Variants in CNTN1 observed in about 807,000 individuals in gnomAD.
The protein encoded by CNTN1 is contactin-1.
In CNTN1, 38 loss-of-function variants were observed where a neutral mutation model predicts 126.4. The ratio of observed to expected loss-of-function variants is 0.30; its 90% CI spans 0.23 to 0.39. The LOEUF is 0.39. Ranked by LOEUF, CNTN1 falls within the 10% of genes least tolerant of loss-of-function variation. The pLI, the probability that CNTN1 is intolerant of heterozygous loss-of-function variation, is 1.00. For synonymous variants in CNTN1, 413 were observed against 422.6 expected (o/e 0.98, Z 0.28); for missense variants, 1,009 against 1,248.4 (o/e 0.81, Z 2.89).
intron 1 of CNTN1, among the ~76,000 whole-genome samples, chr12:40,702,995 A>G (rs1326569382): frequency 6.6e-6 from 1 of 151,996 alleles, no homozygotes; most frequent in African/African-American, 2.4e-5. Flanking sequence ...TATTTCCAGA[A>G]TGAAATTGCT....
At chr12:40,714,065 C>A (rs1307852293) in intron 1 of CNTN1, among the ~76,000 whole-genome samples, 1 of 152,046 alleles carries the variant, frequency 6.6e-6, no homozygotes, top group African/African-American at 2.4e-5. Context: ...TGATTACCAG[C>A]TGTTTTATTT....
chr12:40,808,527 A>G (rs929384732), intron 1 of CNTN1, among the ~76,000 whole-genome samples: 1 of 151,862 alleles, frequency 6.6e-6, no homozygotes, highest in Non-Finnish European at 1.5e-5. Flanking sequence ...TAATATTAAA[A>G]TGTATAGGAA....
chr12:40,878,389 C>T (rs1194396896), intron 1 of CNTN1, among the ~76,000 whole-genome samples: 3 of 150,220 alleles, frequency 2.0e-5, no homozygotes, highest in Admixed American at 6.6e-5. Context: ...TATACAAAAA[C>T]AAATCACATT....
At chr12:40,753,223 ATCT>A (rs1304783148) in intron 1 of CNTN1, among the ~76,000 whole-genome samples, 4 of 152,070 alleles carry the variant, frequency 2.6e-5, no homozygotes, top group Non-Finnish European at 5.9e-5. Flanking sequence ...CTTCCTTTTC[ATCT>A]TCTTCATCTT....
intron 16 of CNTN1, among the ~76,000 whole-genome samples, chr12:40,991,479 C>G (rs1015906609): frequency 6.6e-6 from 1 of 151,916 alleles, no homozygotes; most frequent in Non-Finnish European, 1.5e-5. Flanking sequence ...TACCATTTAA[C>G]CCAATACAGC....
chr12:40,916,185 T>G (rs938427657), intron 3 of CNTN1, among the ~76,000 whole-genome samples: 2 of 152,124 alleles, frequency 1.3e-5, no homozygotes, highest in African/African-American at 4.8e-5. Context: ...TTATCAAGGA[T>G]TATAGTGGGA....
In CNTN1 at chr12:40,975,181, TATA is replaced by T. The variant is rs1947638387; in HGVS notation, c.1805-5727_1805-5725del. On this transcript the variant is annotated intron_variant, in intron 15 of 23. Coordinates refer to ENST00000551295, the MANE Select transcript of CNTN1 (RefSeq NM_001843.4). ...CGGTGTCCTTTTGTAAAATGGATTA[TATA>T]TATATATATATATATATATATATAT... 1.0e-3 allele frequency among the ~76,000 whole-genome samples: 132 copies of T among 126,700 alleles called. 1 individual carries two copies. The highest frequency in any genetic ancestry group is 2.4e-3 in the African/African-American group (83 of 35,114). The allele number at this position is 126,700 out of a possible 152,430, so 83.1% of individuals were successfully genotyped here.
intron 11 of CNTN1, among the ~76,000 whole-genome samples, chr12:40,939,085 G>T (rs1434488045): frequency 6.6e-6 from 1 of 152,116 alleles, no homozygotes; most frequent in Non-Finnish European, 1.5e-5. Flanking sequence ...TCTAATTAAA[G>T]TTTCTAATAA....
At chr12:40,705,257 T>C (rs902791613) in intron 1 of CNTN1, among the ~76,000 whole-genome samples, 21 of 152,206 alleles carry the variant, frequency 1.4e-4, no homozygotes, top group Admixed American at 3.9e-4. Flanking sequence ...CAGGATTTTG[T>C]TTCATCCAGA....
intron 15 of CNTN1, among the ~76,000 whole-genome samples, chr12:40,970,590 G>A (rs529699021): frequency 6.6e-6 from 1 of 152,188 alleles, no homozygotes; most frequent in South Asian, 2.1e-4. Flanking sequence ...AATGAGGTAG[G>A]TGATCACTCT....
At chr12:40,919,515 T>C (rs1424443148) in intron 4 of CNTN1, among the ~76,000 whole-genome samples, 3 of 152,150 alleles carry the variant, frequency 2.0e-5, no homozygotes, top group Non-Finnish European at 4.4e-5. Flanking sequence ...AAGTGACTGA[T>C]GGAGAAATTG....
At chr12:40,795,079 A>G (rs1459563445) in intron 1 of CNTN1, among the ~76,000 whole-genome samples, 3 of 152,028 alleles carry the variant, frequency 2.0e-5, no homozygotes, top group African/African-American at 7.2e-5. Flanking sequence ...ATCTCATCCA[A>G]TCATGTGAAG....
chr12:40,959,049 A>G, intron 14 of CNTN1, 65 bp from the exon 15 acceptor site: 1 of 1,604,136 alleles, frequency 6.2e-7, no homozygotes, highest in South Asian at 1.1e-5. Context: ...TACCTCTTGG[A>G]TCTTAAATGC....
intron 1 of CNTN1, among the ~76,000 whole-genome samples, chr12:40,811,192 C>T (rs1941046854): frequency 6.6e-6 from 1 of 152,132 alleles, no homozygotes; most frequent in African/African-American, 2.4e-5. Context: ...GATATACACC[C>T]TGAAATCGGA....
chr12:40,809,021 C>A (rs757944438), intron 1 of CNTN1, among the ~76,000 whole-genome samples: 1 of 151,918 alleles, frequency 6.6e-6, no homozygotes, highest in African/African-American at 2.4e-5. Flanking sequence ...GATTTTTCAC[C>A]AAGAAGGCAG....
At chr12:40,707,088 A>T (rs12311030) in intron 1 of CNTN1, among the ~76,000 whole-genome samples, 1 of 128,596 alleles carries the variant, frequency 7.8e-6, no homozygotes, top group South Asian at 2.3e-4. Context: ...ACACACACAC[A>T]CCCCTGCTCA....
At chr12:40,888,163 A>T (rs1944114085) in intron 1 of CNTN1, among the ~76,000 whole-genome samples, 1 of 151,816 alleles carries the variant, frequency 6.6e-6, no homozygotes, top group Non-Finnish European at 1.5e-5. Context: ...TTAAAGTATA[A>T]TAATAATAAT....
chr12:40,812,133 G>C (rs956612390), intron 1 of CNTN1, among the ~76,000 whole-genome samples: 2 of 151,210 alleles, frequency 1.3e-5, no homozygotes, highest in Admixed American at 1.3e-4. Context: ...GTTATCTTTT[G>C]ATTTCTTTGA....
At chr12:40,922,935 C>T (rs1466385056) in intron 5 of CNTN1, among the ~76,000 whole-genome samples, 1 of 139,508 alleles carries the variant, frequency 7.2e-6, no homozygotes, top group Admixed American at 7.6e-5. Context: ...TGTGCCACTG[C>T]ATTCCAGCCT....
Sources: gnomAD v4.1 joint callset for allele counts (sites outside exome capture counted in the v4.1 genomes callset) on GRCh38, gnomAD v4.1.1 for gene constraint, MANE v1.5 for transcripts, NCBI Gene and HGNC (gene_info 2026-07-23, HGNC 2026-07-21) for gene names.